Variants in TLCD3B observed in about 807,000 individuals in gnomAD.
TLCD3B encodes the protein ceramide synthase.
A neutral mutation model predicts 23.0 loss-of-function variants in TLCD3B; 9 were observed. The ratio of observed to expected loss-of-function variants is 0.39; its 90% CI spans 0.24 to 0.68. The LOEUF is 0.68. Ranked by LOEUF, TLCD3B falls within the 30% of genes least tolerant of loss-of-function variation. The pLI, the probability that TLCD3B is intolerant of heterozygous loss-of-function variation, is 0.44. For missense variants in TLCD3B, 307 were observed against 371.8 expected (o/e 0.83, Z 1.43); for synonymous variants, 161 against 161.0 (o/e 1.00, Z 0.00).
At chr16:30,042,230 ATTTAT>A (rs552776661) in intron 2 of TLCD3B, among the ~76,000 whole-genome samples, 7 of 151,498 alleles carry the variant, frequency 4.6e-5, no homozygotes, top group African/African-American at 1.7e-4. Context: ...TTATTTACTT[ATTTAT>A]TTTATTTTAT....
intron 3 of TLCD3B, among the ~76,000 whole-genome samples, chr16:30,040,147 A>ATATAT (rs1555475530): frequency 9.9e-4 from 95 of 95,896 alleles, no homozygotes; most frequent in Non-Finnish European, 1.2e-3. Flanking sequence ...AAAAAAAAAA[A>ATATAT]ATATATATAT....
Position 30,026,686 on chromosome 16 carries a change from G to A in TLCD3B, c.367C>T (p.Arg123Cys), listed in dbSNP as rs1596736555. Residue 123 changes from arginine (R) to cysteine (C), a missense_variant, in exon 3 of 5, where the codon CGT (arginine) becomes TGT (cysteine). Coordinates refer to ENST00000380495, the MANE Select transcript of TLCD3B (RefSeq NM_031478.6). ...RAPGSTWAIA[R>C]GYLHKEFLMV... ...AGGAACTCCTTGTGCAGGTAGCCAC[G>A]CGCTATGGCCCACGTGCTGCCCGGG... The A allele has an allele frequency of 7.4e-6, 12 of 1,613,922 alleles. No homozygotes were observed. The highest frequency in any genetic ancestry group is 7.6e-6 in the Non-Finnish European group (9 of 1,180,012).
rs2071045118 is a variant in TLCD3B at position 30,025,088 on chromosome 16, C to T, written c.*95G>A. The T allele has an allele frequency of 1.2e-6, 1 of 845,028 alleles. No individual in the cohort carries two copies. The highest frequency in any genetic ancestry group is 1.8e-6 in the Non-Finnish European group (1 of 568,722). The allele number at this position is 845,028 out of a possible 1,614,324, so 52.3% of individuals were successfully genotyped here. A position where few individuals can be genotyped will look rare whatever the true frequency, so the allele number is the denominator to read the frequency against. On this transcript the variant is annotated 3_prime_UTR_variant, in exon 5 of 5. Transcript: ENST00000380495. The surrounding 1 kb of genome is among the most constrained non-coding windows in gnomAD (Gnocchi z 4.1). ...ATCGTCAGTCCTGGGGTTGTCCGGG[C>T]AAGAGGACCCTGGCTCCCAACCCCA...
Position 30,030,488 on chromosome 16 carries a change from CG to C in TLCD3B, c.39del (p.Gly14AspfsTer108), listed in dbSNP as rs1716318219. On this transcript the variant is annotated frameshift_variant, in exon 1 of 5. Coordinates refer to ENST00000380495, the MANE Select transcript of TLCD3B (RefSeq NM_031478.6). LOFTEE classifies it high-confidence loss of function. ...GTGTTCTTGGAGAGGAGGAAGAGTC[CG>C]GGGAACACCACCCCCCCGGCCACCA... is the stretch of plus-strand genomic sequence containing the variant. ...TPMVAGGVVF[P>X]GLFLLSKNTL... 1 of 1,602,938 alleles carries C rather than the reference CG, an allele frequency of 6.2e-7. No homozygotes were observed. The highest frequency in any genetic ancestry group is 1.8e-5 in the Admixed American group (1 of 56,816).
At chr16:30,041,033 G>A (rs913597509) in exon 3 of TLCD3B, 3 of 152,140 alleles carry the variant, frequency 2.0e-5, no homozygotes, top group African/African-American at 7.2e-5. Flanking sequence ...AAGTTTACAG[G>A]CCATGAGCTG....
At chr16:30,028,675 C>A (rs985138494) in intron 2 of TLCD3B, among the ~76,000 whole-genome samples, 1 of 152,150 alleles carries the variant, frequency 6.6e-6, no homozygotes, top group Non-Finnish European at 1.5e-5. Context: ...AAACAGGGCA[C>A]CCCCCATCAG....
At chr16:30,043,094 G>A (rs189456311) in intron 2 of TLCD3B, among the ~76,000 whole-genome samples, 9 of 151,892 alleles carry the variant, frequency 5.9e-5, no homozygotes, top group East Asian at 5.8e-4. Flanking sequence ...GTAAAACTCC[G>A]TCTCCAAAAG....
rs201058843 is a variant in TLCD3B at position 30,029,387 on chromosome 16, G to A, written c.209+45C>T. 4.1e-4 allele frequency: 637 copies of A among 1,556,654 alleles called. 9 individuals are homozygous for A. In the Middle Eastern group the frequency reaches 4.6e-3, roughly 11 times the overall value. On this transcript the variant is annotated intron_variant, in intron 2 of 4. Transcript: ENST00000380495. This position sits in a 1 kb window ranked among gnomAD's most constrained non-coding sequence, Gnocchi z 4.6. ...GGGTCTTCCGGGATTACCCGTACAC[G>A]CCAACCACTGGCACCTGGGCAGGGG...
In TLCD3B at chr16:30,029,359, G is replaced by A. The variant is rs2071280723; in HGVS notation, c.209+73C>T. The A allele has an allele frequency of 7.4e-7, 1 of 1,357,808 alleles. No homozygotes were observed. Among genetic ancestry groups the A allele is most frequent in the Non-Finnish European group, 1.0e-6 (1 of 957,568 alleles). The allele number at this position is 1,357,808 out of a possible 1,614,324, so 84.1% of individuals were successfully genotyped here. ...CCACAGACAGAGTTCCCTCCAAGAT[G>A]TGGGGTCTTCCGGGATTACCCGTAC... On this transcript the variant is annotated intron_variant, in intron 2 of 4. Transcript: ENST00000380495. This position sits in a 1 kb window ranked among gnomAD's most constrained non-coding sequence, Gnocchi z 4.6.
chr16:30,026,216 CAGAG>C (rs1213406720), intron 3 of TLCD3B, among the ~76,000 whole-genome samples: 1 of 152,020 alleles, frequency 6.6e-6, no homozygotes, highest in Non-Finnish European at 1.5e-5. Context: ...GCCTGAGTGA[CAGAG>C]AGAGACTCCG....
Position 30,025,583 on chromosome 16 carries a change from A to C in TLCD3B, c.541-116T>G, listed in dbSNP as rs1478679548. 6.6e-7 allele frequency: 1 copy of C among 1,512,208 alleles called. No homozygotes were observed. 93.7% of individuals were successfully genotyped at this position (1,512,208 alleles called of 1,614,324 possible). Reference sequence around the variant, plus strand: ...CTCCTCCCAAACCAGACACTTTGCCAGGACACAAGCACCAGGTGCTCAAAA... The same window carrying C: ...CTCCTCCCAAACCAGACACTTTGCCCGGACACAAGCACCAGGTGCTCAAAA... On this transcript the variant is annotated intron_variant, in intron 4 of 4. Coordinates refer to ENST00000380495, the MANE Select transcript of TLCD3B (RefSeq NM_031478.6). The surrounding 1 kb of genome is among the most constrained non-coding windows in gnomAD (Gnocchi z 4.1).
rs757511343 is a variant in TLCD3B, at chr16:30,029,561, C to T, written c.126-46G>A. 8 of 1,503,546 alleles carry T rather than the reference C, an allele frequency of 5.3e-6. No homozygotes were observed. Among genetic ancestry groups the T allele is most frequent in the Admixed American group, 3.5e-5 (2 of 57,450 alleles). 93.1% of individuals were successfully genotyped at this position (1,503,546 alleles called of 1,614,324 possible). A position where few individuals can be genotyped will look rare whatever the true frequency, so the allele number is the denominator to read the frequency against. On this transcript the variant is annotated intron_variant, in intron 1 of 4. Transcript: ENST00000380495. This position sits in a 1 kb window ranked among gnomAD's most constrained non-coding sequence, Gnocchi z 4.6. ...TGCTAGAAAGGCAGAAGGGAAGAGG[C>T]GTGTGCCTTGATTTCTCCTCGTTGC...
chr16:30,031,697 G>A (rs950630276), upstream of TLCD3B, among the ~76,000 whole-genome samples: 2 of 152,238 alleles, frequency 1.3e-5, no homozygotes, highest in South Asian at 2.1e-4. Context: ...CCCCTCACCC[G>A]ATGGCGGGGA....
chr16:30,025,757 G>A lies in TLCD3B; in HGVS notation c.509C>T (p.Pro170Leu). Residue 170 changes from proline to leucine, a missense_variant, in exon 4 of 5, where the codon CCC becomes CTC. Physicochemically the swap from Pro to Leu is moderately conservative, Grantham distance 98. Transcript: ENST00000380495. This position sits in a 1 kb window ranked among gnomAD's most constrained non-coding sequence, Gnocchi z 4.1. ...GCMLMAEVST[P>L]FVCLGKILIQ... ...GAGGATCTTGCCAAGGCAGACGAAG[G>A]GCGTGCTGACCTCTGCCATCAACAT... 6.2e-7 allele frequency: 1 copy of A among 1,614,136 alleles called. No homozygotes were observed. Among genetic ancestry groups the A allele is most frequent in the Non-Finnish European group, 8.5e-7 (1 of 1,180,020 alleles).
chr16:30,036,283 AAAAT>A (rs776834412), intron 3 of TLCD3B: 5 of 1,281,004 alleles, frequency 3.9e-6, no homozygotes, highest in Non-Finnish European at 2.0e-6. Flanking sequence ...TTGAAAAAAC[AAAAT>A]AAAGCCAAAG....
chr16:30,034,330 T>C (rs1359197801), upstream of TLCD3B, among the ~76,000 whole-genome samples: 2 of 146,276 alleles, frequency 1.4e-5, no homozygotes, highest in African/African-American at 5.1e-5. Flanking sequence ...TCCCAGCACT[T>C]CGGAGGCTGA....
At chr16:30,027,020 A>G in intron 2 of TLCD3B, 177 bp from the exon 3 acceptor site, 1 of 695,630 alleles carries the variant, frequency 1.4e-6, no homozygotes, top group Admixed American at 2.0e-5. Context: ...TCATGCAGCT[A>G]GTAAGAGATG....
At chr16:30,032,474 G>T (rs1040147761), upstream of TLCD3B, among the ~76,000 whole-genome samples, 1 of 152,078 alleles carries the variant, frequency 6.6e-6, no homozygotes, top group Non-Finnish European at 1.5e-5. Context: ...GACGGTTGTA[G>T]AGACAATAGC....
At chr16:30,034,928 T>C (rs2071438681), upstream of TLCD3B, among the ~76,000 whole-genome samples, 1 of 151,216 alleles carries the variant, frequency 6.6e-6, no homozygotes, top group Non-Finnish European at 1.5e-5. Context: ...TTTTTTTTTT[T>C]TGAGACAGAG....
Sources: allele counts gnomAD v4.1 joint callset (sites outside exome capture counted in the v4.1 genomes callset), GRCh38; gene constraint gnomAD v4.1.1; non-coding constraint Gnocchi (gnomAD v3.1); transcripts MANE v1.5; gene names NCBI Gene and HGNC (gene_info 2026-07-23, HGNC 2026-07-21).